The following ST8SIA2 variants were observed in gnomAD, a reference collection of about 807,000 sequenced individuals.
ST8SIA2 encodes ST8 alpha-N-acetyl-neuraminide alpha-2,8-sialyltransferase 2.
Under a neutral mutation model 37.6 loss-of-function variants are expected in ST8SIA2, and 22 were observed. The observed-to-expected ratio is 0.58, with a 90% confidence interval of 0.42 to 0.83. ST8SIA2 has a LOEUF of 0.83. ST8SIA2 is among the 40% of genes least tolerant of loss of function. The probability of loss-of-function intolerance (pLI) is 0.00; values close to 1 mark genes in which losing one functional copy is unlikely to be tolerated. For synonymous variants in ST8SIA2, 205 were observed against 201.2 expected (o/e 1.02, Z -0.16); for missense variants, 382 against 484.7 (o/e 0.79, Z 1.99).
chr15:92,455,865 T>C (rs1228092100), intron 5 of ST8SIA2, among the ~76,000 whole-genome samples: 1 of 152,274 alleles, frequency 6.6e-6, no homozygotes, highest in East Asian at 1.9e-4. Flanking sequence ...TCGATTCATA[T>C]CCTCACCTAC....
At chr15:92,441,306 G>A (rs1274573084) in intron 4 of ST8SIA2, among the ~76,000 whole-genome samples, 1 of 152,226 alleles carries the variant, frequency 6.6e-6, no homozygotes, top group Non-Finnish European at 1.5e-5. Flanking sequence ...CGGCATTGGA[G>A]TGTGGCTTGC....
In ST8SIA2 at chr15:92,419,179, G is replaced by A. The variant is rs143657162; in HGVS notation, c.99-10870G>A. On this transcript the variant is annotated intron_variant, in intron 1 of 5. Coordinates refer to ENST00000268164, the MANE Select transcript of ST8SIA2 (RefSeq NM_006011.4). Reference sequence around the variant, plus strand: ...CCGATGCGGTTCCAGCCATCTGGGGGCTGAAGAATGTCATTGCAAGGTGGC... The same window carrying A: ...CCGATGCGGTTCCAGCCATCTGGGGACTGAAGAATGTCATTGCAAGGTGGC... Among the ~76,000 whole-genome samples the A allele has an allele frequency of 5.1e-3, 773 of 152,284 alleles. 7 individuals carry two copies. The highest frequency in any genetic ancestry group is 0.017 in the African/African-American group (724 of 41,544).
intron 1 of ST8SIA2, among the ~76,000 whole-genome samples, chr15:92,399,125 G>A (rs1171174632): frequency 2.0e-5 from 3 of 152,190 alleles, no homozygotes; most frequent in African/African-American, 7.2e-5. Flanking sequence ...GGTGGAGCCT[G>A]GGGCTAAAGT....
intron 5 of ST8SIA2, among the ~76,000 whole-genome samples, chr15:92,447,217 G>T (rs1482755211): frequency 6.6e-6 from 1 of 152,150 alleles, no homozygotes; most frequent in African/African-American, 2.4e-5. Flanking sequence ...GGACCATAAT[G>T]GGGGAGAGAA....
intron 1 of ST8SIA2, among the ~76,000 whole-genome samples, chr15:92,400,506 G>A (rs545569330): frequency 1.3e-4 from 20 of 152,292 alleles, no homozygotes; most frequent in Non-Finnish European, 2.6e-4. Context: ...TATCTAGCGT[G>A]GAGGGTGCAT....
At chr15:92,461,283 T>C (rs1269114996) in intron 5 of ST8SIA2, among the ~76,000 whole-genome samples, 1 of 143,774 alleles carries the variant, frequency 7.0e-6, no homozygotes, top group East Asian at 2.3e-4. Flanking sequence ...GCCCCAGCCC[T>C]CTACCCCACC....
chr15:92,415,952 T>C (rs1401375928), intron 1 of ST8SIA2, among the ~76,000 whole-genome samples: 1 of 152,058 alleles, frequency 6.6e-6, no homozygotes, highest in Non-Finnish European at 1.5e-5. Flanking sequence ...AAGGGGCAGT[T>C]CAGAAAGGGT....
chr15:92,448,463 G>A (rs1313702552), intron 5 of ST8SIA2, among the ~76,000 whole-genome samples: 1 of 152,254 alleles, frequency 6.6e-6, no homozygotes, highest in East Asian at 1.9e-4. Context: ...CCAAGGGATT[G>A]TAGAGAGGAA....
chr15:92,411,929 A>C (rs182171006), intron 1 of ST8SIA2, among the ~76,000 whole-genome samples: 42 of 152,314 alleles, frequency 2.8e-4, no homozygotes, highest in African/African-American at 8.7e-4. Flanking sequence ...CAAGGTAGCA[A>C]AGGCCATGCA....
At chr15:92,427,715 A>G (rs1348420040) in intron 1 of ST8SIA2, among the ~76,000 whole-genome samples, 1 of 152,114 alleles carries the variant, frequency 6.6e-6, no homozygotes, top group African/African-American at 2.4e-5. Context: ...TGGGTGCAGT[A>G]GCTCCTCCCT....
chr15:92,423,791 T>A (rs1050689574), intron 1 of ST8SIA2, among the ~76,000 whole-genome samples: 4 of 152,274 alleles, frequency 2.6e-5, no homozygotes, highest in African/African-American at 9.6e-5. Flanking sequence ...ATTTTCCTAT[T>A]CGACCATAAA....
At chr15:92,441,185 T>C (rs2049798656) in intron 4 of ST8SIA2, among the ~76,000 whole-genome samples, 1 of 152,192 alleles carries the variant, frequency 6.6e-6, no homozygotes, top group Non-Finnish European at 1.5e-5. Flanking sequence ...GAAAACTCTG[T>C]GTGGGGAACA....
At chr15:92,453,000 G>A (rs550066435) in intron 5 of ST8SIA2, among the ~76,000 whole-genome samples, 23 of 151,956 alleles carry the variant, frequency 1.5e-4, no homozygotes, top group Non-Finnish European at 2.1e-4. Flanking sequence ...GTCTCTGCTC[G>A]CACGGTGTAC....
intron 1 of ST8SIA2, among the ~76,000 whole-genome samples, chr15:92,396,988 C>G (rs149013097): frequency 2.6e-5 from 4 of 152,328 alleles, no homozygotes; most frequent in African/African-American, 9.6e-5. Context: ...GCCCCTCCAT[C>G]CCCAACTCAC....
intron 1 of ST8SIA2, among the ~76,000 whole-genome samples, chr15:92,423,944 G>T (rs1026873586): frequency 2.0e-5 from 3 of 152,234 alleles, no homozygotes; most frequent in African/African-American, 7.2e-5. Context: ...TTGTAGTCAT[G>T]TGACTGACCC....
chr15:92,452,899 G>A (rs1397862252), intron 5 of ST8SIA2, among the ~76,000 whole-genome samples: 1 of 152,106 alleles, frequency 6.6e-6, no homozygotes, highest in African/African-American at 2.4e-5. Context: ...ATCAACATAT[G>A]AGTCTGGGGG....
At chr15:92,401,859 C>T (rs1596228006) in intron 1 of ST8SIA2, among the ~76,000 whole-genome samples, 1 of 150,810 alleles carries the variant, frequency 6.6e-6, no homozygotes, top group East Asian at 1.9e-4. Context: ...ACCCCTAGGT[C>T]AGTGGTTCCC....
intron 1 of ST8SIA2, chr15:92,421,086 A>T (rs911727778): frequency 6.6e-6 from 1 of 152,236 alleles, no homozygotes; most frequent in African/African-American, 2.4e-5. Context: ...GCTGTCTGTG[A>T]TGTTGAAGCT....
chr15:92,427,445 C>G (rs540345584), intron 1 of ST8SIA2, among the ~76,000 whole-genome samples: 1 of 152,062 alleles, frequency 6.6e-6, no homozygotes, highest in Non-Finnish European at 1.5e-5. Flanking sequence ...TCATCCAGAG[C>G]CACCTTAGAT....
Sources: allele counts gnomAD v4.1 joint callset (sites outside exome capture counted in the v4.1 genomes callset), GRCh38; gene constraint gnomAD v4.1.1; transcripts MANE v1.5; gene names NCBI Gene and HGNC (gene_info 2026-07-23, HGNC 2026-07-21).